The following RXRA variants were observed in gnomAD, a reference collection of about 807,000 sequenced individuals.
RXRA encodes retinoic acid receptor RXR-alpha.
Under a neutral mutation model 44.5 loss-of-function variants are expected in RXRA, and 5 were observed. The ratio of observed to expected loss-of-function variants is 0.11; its 90% CI spans 0.06 to 0.24. The LOEUF is 0.24. RXRA is among the 10% of genes least tolerant of loss of function. The pLI is 1.00. For missense variants in RXRA, 412 were observed against 646.5 expected, an observed-to-expected ratio of 0.64 and a Z score of 3.93; for synonymous variants, 291 against 271.4, an observed-to-expected ratio of 1.07 and a Z score of -0.71.
intron 8 of RXRA, among the ~76,000 whole-genome samples, chr9:134,432,417 C>G (rs1433328209): frequency 6.6e-6 from 1 of 152,240 alleles, no homozygotes; most frequent in African/African-American, 2.4e-5. Flanking sequence ...GGGGACCAAC[C>G]TCATCCCCAA....
At chr9:134,435,650 T>C (rs1371046544) in intron 9 of RXRA, among the ~76,000 whole-genome samples, 1 of 152,184 alleles carries the variant, frequency 6.6e-6, no homozygotes, top group Non-Finnish European at 1.5e-5. Flanking sequence ...AAGTCAGGCC[T>C]GGCTCCACCT....
intron 1 of RXRA, among the ~76,000 whole-genome samples, chr9:134,394,942 G>T (rs1259079214): frequency 6.6e-6 from 1 of 152,206 alleles, no homozygotes; most frequent in Non-Finnish European, 1.5e-5. Context: ...CTCTGCATTT[G>T]TGCAGGGGTG....
intron 1 of RXRA, among the ~76,000 whole-genome samples, chr9:134,397,451 C>T (rs570576508): frequency 4.2e-4 from 64 of 152,308 alleles, no homozygotes; most frequent in African/African-American, 1.4e-3. Flanking sequence ...CTTTTGCTCC[C>T]GGCCTCCAGG....
intron 5 of RXRA, among the ~76,000 whole-genome samples, chr9:134,421,364 C>T (rs936493830): frequency 3.3e-5 from 5 of 152,140 alleles, no homozygotes; most frequent in South Asian, 2.1e-4. Flanking sequence ...TGGGCCCCAG[C>T]GTCTGTGATC....
chr9:134,434,081 C>T (rs760744198), intron 8 of RXRA, 21 bp from the exon 9 acceptor site: 2 of 1,594,446 alleles, frequency 1.3e-6, no homozygotes, highest in Admixed American at 3.3e-5. Context: ...AGGGTTCTGA[C>T]CTGTGGCTTC....
intron 1 of RXRA, among the ~76,000 whole-genome samples, chr9:134,381,107 G>A (rs1830638176): frequency 6.6e-6 from 1 of 152,220 alleles, no homozygotes; most frequent in African/African-American, 2.4e-5. Context: ...TGCTGTCAGA[G>A]CCTGCGGTGG....
intron 1 of RXRA, among the ~76,000 whole-genome samples, chr9:134,389,776 A>G (rs1050899885): frequency 3.1e-4 from 47 of 152,148 alleles, no homozygotes; most frequent in African/African-American, 1.1e-3. Flanking sequence ...GAGTCTGGAC[A>G]GAGACTCCAT....
chr9:134,346,931 G>T (rs1830160176), intron 1 of RXRA, among the ~76,000 whole-genome samples: 1 of 152,210 alleles, frequency 6.6e-6, no homozygotes, highest in African/African-American at 2.4e-5. Context: ...GGCAAGGCTG[G>T]TGGGGGGCAG....
At chr9:134,371,598 A>G (rs1830491760) in intron 1 of RXRA, among the ~76,000 whole-genome samples, 1 of 152,188 alleles carries the variant, frequency 6.6e-6, no homozygotes, top group Admixed American at 6.5e-5. Flanking sequence ...TGGCCATGGC[A>G]CTGGTGGCTT....
chr9:134,344,007 C>CG (rs57595528), intron 1 of RXRA, among the ~76,000 whole-genome samples: 13,825 of 152,190 alleles, frequency 0.091, 657 homozygotes, highest in Admixed American at 0.16. Context: ...CTGAGGTTCC[C>CG]GGGGGCCGTG....
intron 1 of RXRA, among the ~76,000 whole-genome samples, chr9:134,353,665 G>T (rs1050115421): frequency 1.1e-4 from 16 of 152,232 alleles, no homozygotes; most frequent in Admixed American, 1.0e-3. Context: ...CTTTCCCCAG[G>T]GTGGCAGGGC....
intron 5 of RXRA, among the ~76,000 whole-genome samples, chr9:134,419,597 C>T (rs972836385): frequency 3.9e-5 from 6 of 152,252 alleles, no homozygotes; most frequent in Non-Finnish European, 8.8e-5. Context: ...GGTCCTGGTG[C>T]CTGGTTTCTC....
At chr9:134,382,268 GGTGT>G (rs145989754) in intron 1 of RXRA, among the ~76,000 whole-genome samples, 9,779 of 149,128 alleles carry the variant, frequency 0.066, 328 homozygotes, top group African/African-American at 0.1. Context: ...AGGTTTGGGT[GGTGT>G]GTGTGTGTGT....
rs935188937 is a variant in RXRA, at chr9:134,407,670, T to C, written c.280-479T>C. Among the ~76,000 whole-genome samples the C allele has an allele frequency of 6.6e-6, 1 of 151,726 alleles. No individual in the cohort carries two copies. Among genetic ancestry groups the C allele is most frequent in the Non-Finnish European group, 1.5e-5 (1 of 67,924 alleles). On this transcript the variant is annotated intron_variant, in intron 2 of 9. Transcript: ENST00000481739. The surrounding 1 kb of genome is among the most constrained non-coding windows in gnomAD (Gnocchi z 4.8). ...TGTTGTGGGGTGTATGTGTGGTTCT[T>C]GGGGGGGTCCCCAGCCCTCCTCCGT...
Position 134,416,650 on chromosome 9 carries a change from G to A in RXRA, c.611-508G>A, listed in dbSNP as rs936269816. 3.4e-5 allele frequency among the ~76,000 whole-genome samples: 5 copies of A among 148,482 alleles called. No individual in the cohort carries two copies. The Middle Eastern group carries it at 0.01, about 309-fold the overall frequency. The stretch of plus-strand genomic sequence containing the variant: ...GTGTCTCTGAGCCTGTCCCTCCCCC[G>A]CCCCCCGCCGCAGGTTCCCCTTGCC... On this transcript the variant is annotated intron_variant, in intron 4 of 9. Transcript: ENST00000481739.
chr9:134,328,851 C>T (rs1834956550), intron 1 of RXRA, among the ~76,000 whole-genome samples: 1 of 152,180 alleles, frequency 6.6e-6, no homozygotes, highest in Admixed American at 6.5e-5. Context: ...GCATTCACTA[C>T]CGCTGGGCTT....
At position 134,345,151 on chromosome 9, in the gene RXRA, C is replaced by T. The variant is rs1830135127; in HGVS notation, c.28+18492C>T. 3.9e-5 allele frequency among the ~76,000 whole-genome samples: 6 copies of T among 152,182 alleles called. No individual in the cohort carries two copies. In the South Asian group the frequency reaches 1.2e-3, roughly 32 times the overall value. ...GGTCTGCTGGGACCACTGCCAGTGG[C>T]TGAGAAAATGAAAGTGGACGTGCCC... On this transcript the variant is annotated intron_variant, in intron 1 of 9. Transcript: ENST00000481739.
intron 6 of RXRA, chr9:134,422,944 A>ATG (rs1483139463): frequency 1.0e-6 from 1 of 985,308 alleles, no homozygotes; most frequent in Non-Finnish European, 1.2e-6. Flanking sequence ...CCATGCGGTA[A>ATG]TGGTGGTGCA....
At position 134,417,458 on chromosome 9, in the gene RXRA, A is replaced by G. The variant is rs1004175914; in HGVS notation, c.780+131A>G. 9.2e-7 allele frequency: 1 copy of G among 1,089,904 alleles called. No homozygotes were observed. The highest frequency in any genetic ancestry group is 1.3e-6 in the Non-Finnish European group (1 of 768,938). The allele number at this position is 1,089,904 out of a possible 1,614,324, so 67.5% of individuals were successfully genotyped here. A position where few individuals can be genotyped will look rare whatever the true frequency, so the allele number is the denominator to read the frequency against. ...CTGCCCTGGGCCCTGTGGCTGCCTC[A>G]GCTCGGCCTCTTACCTGAGGTGACC... On this transcript the variant is annotated intron_variant, in intron 5 of 9. Coordinates refer to ENST00000481739, the MANE Select transcript of RXRA (RefSeq NM_002957.6). The surrounding 1 kb of genome is among the most constrained non-coding windows in gnomAD (Gnocchi z 6.1).
Sources: allele counts gnomAD v4.1 joint callset (sites outside exome capture counted in the v4.1 genomes callset), GRCh38; gene constraint gnomAD v4.1.1; non-coding constraint Gnocchi (gnomAD v3.1); transcripts MANE v1.5; gene names NCBI Gene and HGNC (gene_info 2026-07-23, HGNC 2026-07-21).